Variants in ADAM2 observed in about 807,000 individuals in gnomAD.
ADAM2 encodes the protein ADAM metallopeptidase domain 2.
In ADAM2, 101 loss-of-function variants were observed where a neutral mutation model predicts 99.3. The ratio of observed to expected loss-of-function variants is 1.02; its 90% CI spans 0.87 to 1.20. The LOEUF is 1.20. Among genes scored for constraint, ADAM2 ranks in the 50% most tolerant of loss-of-function variants. The pLI, the probability that ADAM2 is intolerant of heterozygous loss-of-function variation, is 0.00. For missense variants in ADAM2, 948 were observed against 878.7 expected (o/e 1.08, Z -1.00); for synonymous variants, 323 against 287.6 (o/e 1.12, Z -1.25).
chr8:39,791,983 C>T (rs1275295322), intron 7 of ADAM2, among the ~76,000 whole-genome samples: 1 of 151,972 alleles, frequency 6.6e-6, no homozygotes, highest in African/African-American at 2.4e-5. Flanking sequence ...GTTAGCTTGA[C>T]ACTAGTGCAC....
intron 6 of ADAM2, among the ~76,000 whole-genome samples, chr8:39,812,213 T>C (rs1804733132): frequency 6.6e-6 from 1 of 152,092 alleles, no homozygotes; most frequent in African/African-American, 2.4e-5. Context: ...GAATCCAACT[T>C]ACCAGGGATG....
At chr8:39,836,425 T>A (rs1805825482) in intron 2 of ADAM2, among the ~76,000 whole-genome samples, 1 of 152,156 alleles carries the variant, frequency 6.6e-6, no homozygotes, top group Non-Finnish European at 1.5e-5. Flanking sequence ...TATGCATTCC[T>A]TTAAAAATGA....
intron 3 of ADAM2, among the ~76,000 whole-genome samples, chr8:39,832,055 T>G (rs1805640097): frequency 6.6e-6 from 1 of 152,142 alleles, no homozygotes; most frequent in Admixed American, 6.5e-5. Flanking sequence ...TACAGCATCT[T>G]AAAAGATATC....
intron 8 of ADAM2, 127 bp downstream of exon 8, chr8:39,788,542 A>C (rs1459566362): frequency 1.5e-6 from 1 of 649,958 alleles, no homozygotes. Context: ...CAGATAAGTA[A>C]AATTTAAAAT....
At chr8:39,782,214 T>C (rs1803263981) in intron 10 of ADAM2, among the ~76,000 whole-genome samples, 1 of 152,198 alleles carries the variant, frequency 6.6e-6, no homozygotes, top group African/African-American at 2.4e-5. Flanking sequence ...TGCTTTTTTT[T>C]GTCCTAAGTA....
chr8:39,811,583 T>C (rs1420457409), intron 6 of ADAM2, among the ~76,000 whole-genome samples: 1 of 152,148 alleles, frequency 6.6e-6, no homozygotes, highest in Non-Finnish European at 1.5e-5. Flanking sequence ...TCCACCACGA[T>C]CAAGCTGGCT....
At chr8:39,835,333 T>A (rs562013804) in intron 2 of ADAM2, among the ~76,000 whole-genome samples, 2 of 152,218 alleles carry the variant, frequency 1.3e-5, no homozygotes, top group Non-Finnish European at 2.9e-5. Flanking sequence ...TCCTGACTTT[T>A]ATATTTTCAT....
intron 7 of ADAM2, among the ~76,000 whole-genome samples, chr8:39,797,747 G>C (rs999481793): frequency 6.6e-6 from 1 of 151,982 alleles, no homozygotes; most frequent in East Asian, 1.9e-4. Context: ...TCTTTGAAGA[G>C]GTCCTTCACA....
chr8:39,757,210 A>G (rs537089365), intron 15 of ADAM2, among the ~76,000 whole-genome samples: 19 of 151,938 alleles, frequency 1.3e-4, no homozygotes, highest in Non-Finnish European at 2.2e-4. Context: ...CTCAACATGT[A>G]AAAAAACCCA....
chr8:39,782,314 A>G (rs745669668), intron 10 of ADAM2, among the ~76,000 whole-genome samples: 5 of 152,176 alleles, frequency 3.3e-5, no homozygotes, highest in African/African-American at 1.2e-4. Context: ...TTCATCTTGT[A>G]TTCCTAGAAT....
chr8:39,789,341 A>G (rs1004664709), intron 7 of ADAM2, among the ~76,000 whole-genome samples: 7 of 151,802 alleles, frequency 4.6e-5, no homozygotes, highest in Non-Finnish European at 1.0e-4. Context: ...AAATATCAAC[A>G]GAGATATTGA....
At chr8:39,802,971 T>G (rs1195023869) in intron 7 of ADAM2, among the ~76,000 whole-genome samples, 6 of 152,194 alleles carry the variant, frequency 3.9e-5, no homozygotes, top group Admixed American at 3.9e-4. Context: ...CTAGTAGTTA[T>G]TCTAGTAATC....
At chr8:39,767,110 C>T (rs765322442) in intron 13 of ADAM2, 43 bp downstream of exon 13, 1 of 1,596,752 alleles carries the variant, frequency 6.3e-7, no homozygotes, top group Non-Finnish European at 8.6e-7. Context: ...ATAATGATAA[C>T]TACTTATGTA....
chr8:39,796,964 G>C (rs1168906459), intron 7 of ADAM2, among the ~76,000 whole-genome samples: 1 of 151,814 alleles, frequency 6.6e-6, no homozygotes, highest in Non-Finnish European at 1.5e-5. Flanking sequence ...TGGGTAGATT[G>C]CAAAAATTTT....
Position 39,756,032 on chromosome 8 carries a change from C to T in ADAM2, c.1614-121G>A, listed in dbSNP as rs111280638. 1,066 of 512,752 alleles carry T rather than the reference C, an allele frequency of 2.1e-3. 8 individuals are homozygous for T. Among genetic ancestry groups the T allele is most frequent in the African/African-American group, 0.019 (964 of 49,986 alleles). The allele number at this position is 512,752 out of a possible 1,614,324, so 31.8% of individuals were successfully genotyped here. The stretch of plus-strand genomic sequence containing the variant: ...GGTTTGCAAGCTAATACATGCAATT[C>T]GTTTTAAAACACCAAAAAAAGAGCC... On this transcript the variant is annotated intron_variant, in intron 15 of 20. Coordinates refer to ENST00000265708, the MANE Select transcript of ADAM2 (RefSeq NM_001464.5).
At chr8:39,768,919 T>C (rs1298677867) in intron 12 of ADAM2, among the ~76,000 whole-genome samples, 1 of 152,156 alleles carries the variant, frequency 6.6e-6, no homozygotes, top group Non-Finnish European at 1.5e-5. Flanking sequence ...AACAATATTG[T>C]ATCATATACT....
At chr8:39,805,494 T>G (rs1298858264) in intron 7 of ADAM2, among the ~76,000 whole-genome samples, 1 of 152,002 alleles carries the variant, frequency 6.6e-6, no homozygotes, top group Admixed American at 6.6e-5. Context: ...GACAAAATTG[T>G]CAAAAATCAT....
chr8:39,830,147 A>G (rs1805558909), intron 3 of ADAM2, among the ~76,000 whole-genome samples: 1 of 152,154 alleles, frequency 6.6e-6, no homozygotes, highest in Non-Finnish European at 1.5e-5. Flanking sequence ...ATGTATGCCA[A>G]TTTTATTATG....
chr8:39,794,295 A>C (rs1803844692), intron 7 of ADAM2, among the ~76,000 whole-genome samples: 1 of 152,156 alleles, frequency 6.6e-6, no homozygotes, highest in East Asian at 1.9e-4. Flanking sequence ...GACTTGAAGA[A>C]AATAAGTGTT....
Sources: gnomAD v4.1 joint callset for allele counts (sites outside exome capture counted in the v4.1 genomes callset) on GRCh38, gnomAD v4.1.1 for gene constraint, MANE v1.5 for transcripts, NCBI Gene and HGNC (gene_info 2026-07-23, HGNC 2026-07-21) for gene names.